The following C4orf17 variants were observed in gnomAD, a reference collection of about 807,000 sequenced individuals.
C4orf17 encodes the protein chromosome 4 open reading frame 17, also known as uncharacterized protein C4orf17.
A neutral mutation model predicts 32.0 loss-of-function variants in C4orf17; 25 were observed. The ratio of observed to expected loss-of-function variants is 0.78; its 90% CI spans 0.57 to 1.09. The LOEUF (loss-of-function observed/expected upper bound fraction) is 1.09, where lower values mean the gene tolerates loss of function less well. Ranked by LOEUF, C4orf17 falls within the 50% of genes least tolerant of loss-of-function variation. The pLI, the probability that C4orf17 is intolerant of heterozygous loss-of-function variation, is 0.00. For missense variants in C4orf17, 420 were observed against 420.0 expected (o/e 1.00, Z 0.00); for synonymous variants, 149 against 145.8 (o/e 1.02, Z -0.16).
rs1193623989 is a variant in C4orf17, at chr4:99,534,026, G to A, written c.547-3643G>A. Among the ~76,000 whole-genome samples, 15 of 152,146 alleles carry A rather than the reference G, an allele frequency of 9.9e-5. 1 individual carries two copies. Among genetic ancestry groups the A allele is most frequent in the Admixed American group, 9.8e-4 (15 of 15,272 alleles). The stretch of plus-strand genomic sequence containing the variant: ...CGGGGTACATGTGCAGGATGTGCAG[G>A]TTTGTTACACAGGTAAATGTATGCC... On this transcript the variant is annotated intron_variant, in intron 5 of 8. Coordinates refer to ENST00000326581, the MANE Select transcript of C4orf17 (RefSeq NM_032149.3).
intron 3 of C4orf17, among the ~76,000 whole-genome samples, chr4:99,523,763 G>A (rs925352360): frequency 3.9e-5 from 6 of 152,094 alleles, no homozygotes; most frequent in African/African-American, 1.4e-4. Context: ...TTTTAGGGCA[G>A]CTTAGGGGGA....
chr4:99,519,338 G>A (rs1175523615), intron 2 of C4orf17: 2 of 152,294 alleles, frequency 1.3e-5, no homozygotes, highest in Non-Finnish European at 2.9e-5. Context: ...GGGGAGCTGA[G>A]AGCCTAGGTG....
chr4:99,541,959 A>G lies in C4orf17; in HGVS notation c.930A>G (p.Ile310Met). The change falls in exon 9 of 9, where the codon ATA becomes ATG. Residue 310 changes from isoleucine (I) to methionine (M), a missense_variant. Physicochemically the swap from Ile to Met is conservative, Grantham distance 10. Transcript: ENST00000326581. Reference protein sequence around the residue: ...PLLIRRNNMKIPVAEYFSKPN... With the variant: ...PLLIRRNNMKMPVAEYFSKPN... ...TTATAAGAAGAAATAATATGAAAAT[A>G]CCTGTTGCAGAATATTTCAGCAAAC... 1 of 1,613,984 alleles carries G rather than the reference A, an allele frequency of 6.2e-7. No homozygotes were observed. Among genetic ancestry groups the G allele is most frequent in the Non-Finnish European group, 8.5e-7 (1 of 1,179,950 alleles).
chr4:99,518,182 G>A (rs1260558067), intron 2 of C4orf17, among the ~76,000 whole-genome samples: 1 of 151,880 alleles, frequency 6.6e-6, no homozygotes, highest in Non-Finnish European at 1.5e-5. Flanking sequence ...AGCCCTCATA[G>A]CAGCTTTACT....
In C4orf17 at chr4:99,522,641, A is replaced by T; in HGVS notation, c.269A>T (p.Gln90Leu). 1 of 1,614,106 alleles carries T rather than the reference A, an allele frequency of 6.2e-7. No individual in the cohort carries two copies. The highest frequency in any genetic ancestry group is 8.5e-7 in the Non-Finnish European group (1 of 1,180,002). The change falls in exon 3 of 9, where the codon CAG becomes CTG. Residue 90 changes from glutamine (Q) to leucine (L), a missense_variant. Gln to Leu is a moderately radical substitution (Grantham distance 113). Transcript: ENST00000326581. ...AGTTACCCCTCCAGCACTGCAGTCC[A>T]GGAGAGCCCTGTAAGAGGAATGTCG... The part of the protein sequence containing the change: ...NCSYPSSTAV[Q>L]ESPVRGMSPA...
Position 99,513,076 on chromosome 4 carries a change from A to G in C4orf17, c.-6A>G, listed in dbSNP as rs1723122013. The G allele has an allele frequency of 6.2e-7, 1 of 1,613,656 alleles. No homozygotes were observed. The highest frequency in any genetic ancestry group is 1.7e-5 in the Admixed American group (1 of 59,950). ...GTGAAGAGGGGAAAATAAACACACC[A>G]CAAACATGAACCTCAACCCCCCGAC... On this transcript the variant is annotated 5_prime_UTR_variant, in exon 2 of 9. Coordinates refer to ENST00000326581, the MANE Select transcript of C4orf17 (RefSeq NM_032149.3).
At chr4:99,534,157 T>C (rs1426468791) in intron 5 of C4orf17, among the ~76,000 whole-genome samples, 4 of 152,068 alleles carry the variant, frequency 2.6e-5, no homozygotes, top group African/African-American at 9.7e-5. Context: ...CCCTGACAGG[T>C]CCCAGTGTGT....
Position 99,522,550 on chromosome 4 carries a change from G to C in C4orf17, c.178G>C (p.Gly60Arg). The C allele has an allele frequency of 6.2e-7, 1 of 1,613,936 alleles. No homozygotes were observed. Among genetic ancestry groups the C allele is most frequent in the East Asian group, 2.2e-5 (1 of 44,874 alleles). Residue 60 changes from glycine (G) to arginine (R), a missense_variant, in exon 3 of 9, where the codon GGA becomes CGA. Coordinates refer to ENST00000326581, the MANE Select transcript of C4orf17 (RefSeq NM_032149.3). ...TGTGAATGATGATGAGAATGCATTT[G>C]GAACATTGTGGGGAGTTGGCCAGTC... Reference protein sequence around the residue: ...CTVNDDENAFGTLWGVGQSNY... With the variant: ...CTVNDDENAFRTLWGVGQSNY...
intron 5 of C4orf17, among the ~76,000 whole-genome samples, chr4:99,530,455 C>G (rs1384192936): frequency 6.6e-6 from 1 of 152,030 alleles, no homozygotes; most frequent in East Asian, 1.9e-4. Flanking sequence ...AAAGGCCGTC[C>G]CCAGCCACAG....
chr4:99,512,160 G>A (rs1459980100), intron 1 of C4orf17, among the ~76,000 whole-genome samples: 1 of 152,068 alleles, frequency 6.6e-6, no homozygotes, highest in Non-Finnish European at 1.5e-5. Flanking sequence ...CTCTGCCATG[G>A]TTATAAATAA....
intron 2 of C4orf17, among the ~76,000 whole-genome samples, chr4:99,516,776 A>G (rs911232384): frequency 1.3e-5 from 2 of 152,194 alleles, no homozygotes; most frequent in Non-Finnish European, 2.9e-5. Context: ...GGCTCTGGAT[A>G]TCATGCTAGG....
Position 99,542,178 on chromosome 4 carries a change from A to G in C4orf17, c.*69A>G. On this transcript the variant is annotated 3_prime_UTR_variant, in exon 9 of 9. Coordinates refer to ENST00000326581, the MANE Select transcript of C4orf17 (RefSeq NM_032149.3). ...ATTTACATCATCAAATTATTTTTCAAATGAATATTTTTGGTATTGAGGAAT... is the reference window on the plus strand; with the variant it reads ...ATTTACATCATCAAATTATTTTTCAGATGAATATTTTTGGTATTGAGGAAT... 1.4e-6 allele frequency: 2 copies of G among 1,430,682 alleles called. No individual in the cohort carries two copies. Among genetic ancestry groups the G allele is most frequent in the Non-Finnish European group, 2.0e-6 (2 of 1,021,212 alleles). The allele number at this position is 1,430,682 out of a possible 1,614,324, so 88.6% of individuals were successfully genotyped here.
Position 99,529,973 on chromosome 4 carries a change from T to C in C4orf17, c.546+15T>C. 1 of 1,595,816 alleles carries C rather than the reference T, an allele frequency of 6.3e-7. No individual in the cohort carries two copies. The highest frequency in any genetic ancestry group is 8.5e-7 in the Non-Finnish European group (1 of 1,172,646). ...AGGAAATAAAAGTAAGTATCAGGTT[T>C]ATCAAATCCATAACTTGGAAACAGC... On this transcript the variant is annotated intron_variant, in intron 5 of 8. Transcript: ENST00000326581.
At chr4:99,515,899 A>C (rs1723173106) in intron 2 of C4orf17, among the ~76,000 whole-genome samples, 1 of 152,198 alleles carries the variant, frequency 6.6e-6, no homozygotes. Context: ...GCACCTGTGC[A>C]GATACACGAG....
intron 3 of C4orf17, among the ~76,000 whole-genome samples, chr4:99,523,725 A>C (rs1463238737): frequency 6.6e-6 from 1 of 152,122 alleles, no homozygotes; most frequent in African/African-American, 2.4e-5. Flanking sequence ...AATTAATGTA[A>C]AGGGAAATTA....
rs375011989 is a variant in C4orf17, at chr4:99,523,469, C to G, written c.337+760C>G. Among the ~76,000 whole-genome samples the G allele has an allele frequency of 5.3e-5, 8 of 152,144 alleles. No individual in the cohort carries two copies. In the East Asian group the frequency reaches 5.8e-4, roughly 11 times the overall value. The stretch of plus-strand genomic sequence containing the variant: ...ACTCACTATATGGACATATACTGTT[C>G]TAAAGTCTTCATACTTAATTCATTT... On this transcript the variant is annotated intron_variant, in intron 3 of 8. Transcript: ENST00000326581.
intron 3 of C4orf17, 92 bp downstream of exon 3, chr4:99,522,801 GT>G: frequency 1.0e-6 from 1 of 964,862 alleles, no homozygotes. Flanking sequence ...AGCTGCAGTG[GT>G]TTTTACATCA....
At chr4:99,521,170 G>A (rs564017002) in intron 2 of C4orf17, among the ~76,000 whole-genome samples, 1 of 152,060 alleles carries the variant, frequency 6.6e-6, no homozygotes, top group Admixed American at 6.6e-5. Flanking sequence ...TCAGGAGTTC[G>A]AGACCAGCCT....
chr4:99,523,610 A>G (rs7679045), intron 3 of C4orf17, among the ~76,000 whole-genome samples: 46,078 of 152,124 alleles, frequency 0.3, 7,223 homozygotes, highest in South Asian at 0.41. Context: ...GAAACTTAAA[A>G]ACTACATTTG....
Sources: allele counts gnomAD v4.1 joint callset (sites outside exome capture counted in the v4.1 genomes callset), GRCh38; gene constraint gnomAD v4.1.1; transcripts MANE v1.5; gene names NCBI Gene and HGNC (gene_info 2026-07-23, HGNC 2026-07-21).